BICC1: variants seen among roughly 807,000 people sequenced by gnomAD.
BICC1 encodes the protein protein bicaudal C homolog 1.
BICC1 carries 43 observed loss-of-function variants against 111.0 expected under a neutral mutation model. The observed-to-expected ratio is 0.39, with a 90% CI of 0.30 to 0.50. BICC1 has a LOEUF of 0.50. Ranked by LOEUF, BICC1 falls within the 20% of genes least tolerant of loss-of-function variation. BICC1 has a pLI of 0.88. For synonymous variants in BICC1, 467 were observed against 434.4 expected (o/e 1.07, Z -0.93); for missense variants, 1,091 against 1,203.2 (o/e 0.91, Z 1.38).
chr10:58,576,452 T>C (rs908217129), intron 1 of BICC1, among the ~76,000 whole-genome samples: 4 of 152,186 alleles, frequency 2.6e-5, no homozygotes, highest in African/African-American at 9.7e-5. Context: ...ATCTGCTTGC[T>C]CTCTGGGAAC....
chr10:58,711,972 A>G (rs914880020), intron 3 of BICC1, among the ~76,000 whole-genome samples: 1 of 152,164 alleles, frequency 6.6e-6, no homozygotes, highest in Non-Finnish European at 1.5e-5. Flanking sequence ...AAGAACTGTT[A>G]CTCAAAATAT....
chr10:58,664,823 C>T (rs1285373803), intron 2 of BICC1, among the ~76,000 whole-genome samples: 9 of 151,646 alleles, frequency 5.9e-5, no homozygotes, highest in African/African-American at 1.9e-4. Context: ...TTCTTCAGTT[C>T]GTTAATATAG....
intron 1 of BICC1, among the ~76,000 whole-genome samples, chr10:58,555,869 G>A (rs746957814): frequency 3.9e-5 from 6 of 152,168 alleles, no homozygotes; most frequent in Non-Finnish European, 8.8e-5. Context: ...AGTTCTGTGT[G>A]TGGTATTGGT....
chr10:58,719,866 C>T (rs1375444358), intron 3 of BICC1, among the ~76,000 whole-genome samples: 1 of 152,180 alleles, frequency 6.6e-6, no homozygotes, highest in East Asian at 1.9e-4. Context: ...GCCCTGGCAG[C>T]TGACAGGCCA....
rs190247277 is a variant in BICC1, at chr10:58,599,215, G to A, written c.191-21640G>A. 3.2e-3 allele frequency among the ~76,000 whole-genome samples: 481 copies of A among 152,142 alleles called. 2 individuals are homozygous for A. The highest frequency in any genetic ancestry group is 5.7e-3 in the Non-Finnish European group (390 of 67,992). On this transcript the variant is annotated intron_variant, in intron 1 of 20. Coordinates refer to ENST00000373886, the MANE Select transcript of BICC1 (RefSeq NM_001080512.3). The stretch of plus-strand genomic sequence containing the variant: ...CACATGCACACATATGTTTATTGTG[G>A]CACTGTTCACAATAGCAAAAACTTG...
chr10:58,730,342 G>A (rs1841248449), intron 3 of BICC1, among the ~76,000 whole-genome samples: 1 of 152,162 alleles, frequency 6.6e-6, no homozygotes, highest in South Asian at 2.1e-4. Context: ...CCAAGGTCTT[G>A]GGGAGCTCTA....
chr10:58,612,281 A>T (rs1037110278), intron 1 of BICC1, among the ~76,000 whole-genome samples: 5 of 152,232 alleles, frequency 3.3e-5, no homozygotes, highest in African/African-American at 1.2e-4. Flanking sequence ...GGTATAATTC[A>T]TGAACATAAA....
intron 2 of BICC1, among the ~76,000 whole-genome samples, chr10:58,621,914 T>TAGAATAGAAG (rs1845823586): frequency 1.1e-5 from 1 of 89,854 alleles, no homozygotes. Context: ...TAGAATAGAA[T>TAGAATAGAAG]AGAATAGAAT....
At chr10:58,740,200 A>G (rs1379816337) in intron 3 of BICC1, among the ~76,000 whole-genome samples, 1 of 152,202 alleles carries the variant, frequency 6.6e-6, no homozygotes, top group Non-Finnish European at 1.5e-5. Flanking sequence ...AGCTATTACT[A>G]TGACCAGTGC....
At chr10:58,521,612 A>G (rs1012721063) in intron 1 of BICC1, among the ~76,000 whole-genome samples, 1 of 151,824 alleles carries the variant, frequency 6.6e-6, no homozygotes, top group South Asian at 2.1e-4. Flanking sequence ...ACAGTCCATT[A>G]TTAGAAAGCA....
chr10:58,666,692 T>G (rs899221685), intron 2 of BICC1, among the ~76,000 whole-genome samples: 3 of 152,138 alleles, frequency 2.0e-5, no homozygotes, highest in African/African-American at 7.2e-5. Context: ...ATCTCTTTCT[T>G]CACCTGTTAA....
intron 8 of BICC1, among the ~76,000 whole-genome samples, chr10:58,791,281 A>T: frequency 6.6e-6 from 1 of 152,196 alleles, no homozygotes; most frequent in Non-Finnish European, 1.5e-5. Context: ...AAATTTTTCA[A>T]ATATTCTCTA....
chr10:58,552,113 A>G (rs1056179588), intron 1 of BICC1, among the ~76,000 whole-genome samples: 28 of 151,562 alleles, frequency 1.8e-4, no homozygotes, highest in African/African-American at 6.0e-4. Context: ...AAAATGTAAA[A>G]AAAACCAGTC....
At chr10:58,641,018 A>G (rs747240677) in intron 2 of BICC1, among the ~76,000 whole-genome samples, 2 of 152,236 alleles carry the variant, frequency 1.3e-5, no homozygotes, top group Non-Finnish European at 2.9e-5. Flanking sequence ...CATTGAGGAT[A>G]TAATTGTATT....
At chr10:58,546,776 T>C in intron 1 of BICC1, among the ~76,000 whole-genome samples, 1 of 152,150 alleles carries the variant, frequency 6.6e-6, no homozygotes, top group East Asian at 1.9e-4. Context: ...TTCAAATACT[T>C]AAGAAAAAAA....
chr10:58,642,509 A>G (rs2132219045), intron 2 of BICC1, among the ~76,000 whole-genome samples: 1 of 152,230 alleles, frequency 6.6e-6, no homozygotes, highest in South Asian at 2.1e-4. Context: ...GTGACTTGAG[A>G]ACATTTGCAA....
At chr10:58,692,983 G>A (rs1419261616) in intron 2 of BICC1, among the ~76,000 whole-genome samples, 6 of 151,840 alleles carry the variant, frequency 4.0e-5, no homozygotes, top group Non-Finnish European at 2.9e-5. Context: ...TTAGCATTAG[G>A]TGTATCTCCT....
chr10:58,541,979 G>A (rs1842995329), intron 1 of BICC1, among the ~76,000 whole-genome samples: 1 of 151,700 alleles, frequency 6.6e-6, no homozygotes, highest in Non-Finnish European at 1.5e-5. Context: ...GCAAAACCCT[G>A]TTTCTACAAA....
chr10:58,719,405 G>A (rs1437403237), intron 3 of BICC1, among the ~76,000 whole-genome samples: 1 of 152,116 alleles, frequency 6.6e-6, no homozygotes, highest in Non-Finnish European at 1.5e-5. Context: ...TCCATCCCAG[G>A]TGGCATGTCT....
Sources: gnomAD v4.1 joint callset for allele counts (sites outside exome capture counted in the v4.1 genomes callset) on GRCh38, gnomAD v4.1.1 for gene constraint, MANE v1.5 for transcripts, NCBI Gene and HGNC (gene_info 2026-07-23, HGNC 2026-07-21) for gene names.